PHEX: variants seen among roughly 807,000 people sequenced by gnomAD.
The protein encoded by PHEX is phosphate regulating endopeptidase X-linked.
Under a neutral mutation model 68.0 loss-of-function variants are expected in PHEX, and 16 were observed. That is an observed-to-expected ratio of 0.24 (90% CI 0.16 to 0.36). The LOEUF (loss-of-function observed/expected upper bound fraction) is 0.36. PHEX is among the 10% of genes least tolerant of loss of function. The pLI is 1.00. For synonymous variants in PHEX, 208 were observed against 205.1 expected, an observed-to-expected ratio of 1.01 and a Z score of -0.12; for missense variants, 480 against 575.5, an observed-to-expected ratio of 0.83 and a Z score of 1.70.
intron 1 of PHEX, among the ~76,000 whole-genome samples, chrX:22,036,135 C>T (rs2146977210): frequency 1.0e-5 from 1 of 99,057 alleles, no homozygotes; most frequent in African/African-American, 3.8e-5. Flanking sequence ...TCTTGGCTCG[C>T]TACAACCTCC....
At chrX:22,114,352 A>T in intron 10 of PHEX, 106 bp from the exon 11 acceptor site, 2 of 713,007 alleles carry the variant, frequency 2.8e-6, no homozygotes, top group East Asian at 6.5e-5. Context: ...TATATGGGTT[A>T]GGGTGTGCAG....
intron 13 of PHEX, among the ~76,000 whole-genome samples, chrX:22,176,150 G>C (rs1454332348): frequency 9.0e-6 from 1 of 110,743 alleles, no homozygotes; most frequent in East Asian, 2.8e-4. Flanking sequence ...ACTTTGGGAG[G>C]CCAAGGTGGG....
In PHEX at chrX:22,060,578, G is replaced by C. The variant is rs1020605667; in HGVS notation, c.349+13367G>C. ...ATAGCCTGCAAAATGCTATGCATGG[G>C]AATATTGGCTGAAAAAAATGAATGG... On this transcript the variant is annotated intron_variant, in intron 3 of 21. Transcript: ENST00000379374. 6.3e-5 allele frequency among the ~76,000 whole-genome samples: 7 copies of C among 111,926 alleles called. No homozygotes were observed. The Admixed American group carries it at 6.7e-4, about 11-fold the overall frequency.
chrX:22,164,526 A>T (rs901274960), intron 12 of PHEX, among the ~76,000 whole-genome samples: 2 of 111,866 alleles, frequency 1.8e-5, no homozygotes, highest in African/African-American at 6.5e-5. Context: ...GAGGCTCTGT[A>T]GTGCAGTGGG....
rs746554138 is a variant in PHEX, at chrX:22,038,459, G to GT, written c.119-4dup. 17 of 1,172,569 alleles carry GT rather than the reference G, an allele frequency of 1.4e-5. No individual in the cohort carries two copies. In the East Asian group the frequency reaches 4.8e-4, roughly 33 times the overall value. On this transcript the variant is annotated splice_polypyrimidine_tract_variant and intron_variant, in intron 1 of 21. Transcript: ENST00000379374. The stretch of plus-strand genomic sequence containing the variant: ...ACAACTCAGCCATTTATTGTGGTCT[G>GT]TTTTTTCAGTGAGTCAAGGTCTCTT...
intron 15 of PHEX, among the ~76,000 whole-genome samples, chrX:22,209,726 G>GCTCCCTCTC (rs1569427955): frequency 1.7e-3 from 70 of 40,896 alleles, no homozygotes; most frequent in African/African-American, 5.8e-3. Context: ...TGCTCCCTCT[G>GCTCCCTCTC]CTCCCTCTGC....
At chrX:22,107,438 C>G (rs1930751658) in intron 9 of PHEX, among the ~76,000 whole-genome samples, 2 of 112,138 alleles carry the variant, frequency 1.8e-5, no homozygotes, top group Non-Finnish European at 3.8e-5. Flanking sequence ...ATTTTAGAGA[C>G]AAAGAACATA....
At chrX:22,192,754 C>A (rs1044045759) in intron 15 of PHEX, among the ~76,000 whole-genome samples, 1 of 112,134 alleles carries the variant, frequency 8.9e-6, no homozygotes, top group Non-Finnish European at 1.9e-5. Context: ...ATCCTGCCTT[C>A]CCTCTGGCCA....
At chrX:22,106,102 G>C (rs1930674784) in intron 9 of PHEX, among the ~76,000 whole-genome samples, 1 of 111,344 alleles carries the variant, frequency 9.0e-6, no homozygotes. Flanking sequence ...AGGATATTAT[G>C]TGTTATTTTC....
intron 15 of PHEX, among the ~76,000 whole-genome samples, chrX:22,201,284 C>T (rs1029577757): frequency 2.7e-5 from 3 of 111,284 alleles, no homozygotes; most frequent in Admixed American, 1.9e-4. Context: ...TCAAGCGATT[C>T]CCCTGCCTCA....
At chrX:22,069,189 A>G (rs976484349) in intron 3 of PHEX, among the ~76,000 whole-genome samples, 1 of 111,911 alleles carries the variant, frequency 8.9e-6, no homozygotes, top group South Asian at 3.8e-4. Flanking sequence ...TGCTATACGA[A>G]AAAACTGAGG....
chrX:22,125,558 C>T (rs956854207), intron 11 of PHEX, among the ~76,000 whole-genome samples: 1 of 110,369 alleles, frequency 9.1e-6, no homozygotes, highest in Non-Finnish European at 1.9e-5. Flanking sequence ...TAAACCATTC[C>T]AAGCTGTTTG....
intron 14 of PHEX, among the ~76,000 whole-genome samples, chrX:22,179,687 T>TC (rs1173221466): frequency 1.1e-4 from 12 of 112,018 alleles, no homozygotes; most frequent in African/African-American, 3.9e-4. Flanking sequence ...CTTCGGAATT[T>TC]CCGTTTGTTT....
chrX:22,215,647 C>G (rs189419848), intron 16 of PHEX, among the ~76,000 whole-genome samples: 35 of 111,135 alleles, frequency 3.1e-4, no homozygotes, highest in Non-Finnish European at 5.5e-4. Flanking sequence ...TTCCTAGAAG[C>G]TCTCCAAGAA....
chrX:22,196,770 A>G (rs1934380743), intron 15 of PHEX, among the ~76,000 whole-genome samples: 1 of 112,405 alleles, frequency 8.9e-6, no homozygotes, highest in South Asian at 3.7e-4. Context: ...TGATTTTATT[A>G]TCTTTGCTGT....
Position 22,032,795 on chromosome X carries a change from C to A in PHEX, c.-211C>A, listed in dbSNP as rs1382653312. 7.1e-6 allele frequency: 3 copies of A among 424,846 alleles called. No homozygotes were observed. The Admixed American group carries it at 1.1e-4, about 16-fold the overall frequency. The allele number at this position is 424,846 out of a possible 1,213,427, so 35.0% of individuals were successfully genotyped here. A position where few individuals can be genotyped will look rare whatever the true frequency, so the allele number is the denominator to read the frequency against. On this transcript the variant is annotated 5_prime_UTR_variant, in exon 1 of 22. Coordinates refer to ENST00000379374, the MANE Select transcript of PHEX (RefSeq NM_000444.6). ...TGTTTTGTCTAGTCAGGGGGAAAGC[C>A]AAGGCAACCAATATTTTGGTTTTTA... is the stretch of plus-strand genomic sequence containing the variant.
intron 18 of PHEX, 94 bp from the exon 19 acceptor site, chrX:22,226,349 C>G (rs1316361575): frequency 3.2e-6 from 2 of 619,174 alleles, no homozygotes; most frequent in East Asian, 3.3e-5. Flanking sequence ...AAATATGATA[C>G]TTTTCTTGCT....
chrX:22,147,954 A>G (rs1179644476), intron 12 of PHEX, among the ~76,000 whole-genome samples: 3 of 108,496 alleles, frequency 2.8e-5, no homozygotes, highest in Non-Finnish European at 1.9e-5. Flanking sequence ...CCCGAGGAAC[A>G]GAGTAGGTTT....
At chrX:22,061,373 C>A (rs1277173815) in intron 3 of PHEX, among the ~76,000 whole-genome samples, 2 of 111,525 alleles carry the variant, frequency 1.8e-5, no homozygotes, top group Non-Finnish European at 3.8e-5. Flanking sequence ...ATTCTGAGAA[C>A]TTTTCAACTG....
Sources: gnomAD v4.1 joint callset for allele counts (sites outside exome capture counted in the v4.1 genomes callset) on GRCh38, gnomAD v4.1.1 for gene constraint, MANE v1.5 for transcripts, NCBI Gene and HGNC (gene_info 2026-07-23, HGNC 2026-07-21) for gene names.